The following RBPMS variants were observed in gnomAD, a reference collection of about 807,000 sequenced individuals.
RBPMS encodes the protein RNA-binding protein with multiple splicing.
RBPMS carries 7 observed loss-of-function variants against 26.8 expected under a neutral mutation model. The observed-to-expected ratio is 0.26, with a 90% CI of 0.15 to 0.49. The LOEUF (loss-of-function observed/expected upper bound fraction) is 0.49, where lower values mean the gene tolerates loss of function less well. Among genes scored for constraint, RBPMS ranks in the 20% least tolerant of loss-of-function variants. The pLI is 0.98. For synonymous variants in RBPMS, 96 were observed against 93.3 expected, an observed-to-expected ratio of 1.03 and a Z score of -0.17; for missense variants, 186 against 250.0, an observed-to-expected ratio of 0.74 and a Z score of 1.73.
chr8:30,500,890 A>G (rs1245656820), intron 4 of RBPMS, among the ~76,000 whole-genome samples: 1 of 152,036 alleles, frequency 6.6e-6, no homozygotes, highest in African/African-American at 2.4e-5. Context: ...GGCTGCTCTA[A>G]TGGTTTCATA....
intron 1 of RBPMS, chr8:30,444,913 A>G (rs577233188): frequency 1.3e-5 from 2 of 152,346 alleles, no homozygotes; most frequent in East Asian, 3.9e-4. Flanking sequence ...TGCATCTTAA[A>G]TCTTTTAATC....
At chr8:30,479,785 G>C (rs924314958) in intron 4 of RBPMS, among the ~76,000 whole-genome samples, 37 of 148,176 alleles carry the variant, frequency 2.5e-4, no homozygotes, top group African/African-American at 9.0e-4. Context: ...TTTATTTCAT[G>C]AGGCTTTCCT....
intron 5 of RBPMS, among the ~76,000 whole-genome samples, chr8:30,527,242 A>G (rs1823692391): frequency 6.6e-6 from 1 of 152,196 alleles, no homozygotes; most frequent in African/African-American, 2.4e-5. Flanking sequence ...TTGTAGCAGG[A>G]TCAGAGGAAT....
chr8:30,533,871 C>T (rs1051256101), intron 5 of RBPMS, among the ~76,000 whole-genome samples: 6 of 152,134 alleles, frequency 3.9e-5, no homozygotes, highest in South Asian at 2.1e-4. Flanking sequence ...TGGTGGCTCA[C>T]GCCTATAATC....
At chr8:30,443,762 G>A (rs1339738717) in intron 1 of RBPMS, among the ~76,000 whole-genome samples, 3 of 150,422 alleles carry the variant, frequency 2.0e-5, no homozygotes, top group Admixed American at 6.6e-5. Flanking sequence ...CACGTCCAGC[G>A]AATTTTTGTA....
intron 6 of RBPMS, among the ~76,000 whole-genome samples, chr8:30,554,005 T>C (rs1030711574): frequency 1.3e-5 from 2 of 152,160 alleles, no homozygotes; most frequent in African/African-American, 4.8e-5. Flanking sequence ...CTCTATCTCT[T>C]GACCTCATGA....
intron 5 of RBPMS, among the ~76,000 whole-genome samples, chr8:30,508,494 G>A (rs543138946): frequency 6.6e-5 from 10 of 152,224 alleles, no homozygotes; most frequent in South Asian, 4.1e-4. Flanking sequence ...GAGTCAGTAC[G>A]CAGTGACTGT....
chr8:30,436,294 T>C (rs1043792969), intron 1 of RBPMS, among the ~76,000 whole-genome samples: 19 of 152,200 alleles, frequency 1.2e-4, no homozygotes, highest in African/African-American at 4.3e-4. Context: ...ACAGTTCCAA[T>C]GGTTGCACAC....
intron 1 of RBPMS, among the ~76,000 whole-genome samples, chr8:30,457,121 C>T (rs1815309236): frequency 6.6e-6 from 1 of 152,216 alleles, no homozygotes; most frequent in Non-Finnish European, 1.5e-5. Flanking sequence ...CACTGACAGG[C>T]TGGGTCATGT....
chr8:30,520,255 T>A (rs1160399989), intron 5 of RBPMS, among the ~76,000 whole-genome samples: 1 of 152,240 alleles, frequency 6.6e-6, no homozygotes, highest in African/African-American at 2.4e-5. Flanking sequence ...AAATGCTTAA[T>A]TCTTTTCCTT....
chr8:30,410,570 G>A (rs1263150232), intron 1 of RBPMS, among the ~76,000 whole-genome samples: 4 of 151,824 alleles, frequency 2.6e-5, no homozygotes, highest in Admixed American at 1.3e-4. Context: ...GTGTGTATGT[G>A]TGTGTGTGTG....
intron 5 of RBPMS, among the ~76,000 whole-genome samples, chr8:30,533,164 C>G (rs963746290): frequency 1.3e-5 from 2 of 152,256 alleles, no homozygotes; most frequent in South Asian, 2.1e-4. Flanking sequence ...GGAGACTGCC[C>G]AGTTATTCAT....
At chr8:30,443,417 A>G (rs577031940) in intron 1 of RBPMS, among the ~76,000 whole-genome samples, 1 of 152,292 alleles carries the variant, frequency 6.6e-6, no homozygotes, top group South Asian at 2.1e-4. Context: ...GTTCAAATCA[A>G]GCTCTAACAC....
chr8:30,510,236 C>T (rs572361393), intron 5 of RBPMS, among the ~76,000 whole-genome samples: 28 of 152,130 alleles, frequency 1.8e-4, no homozygotes, highest in Non-Finnish European at 3.5e-4. Context: ...TCTGATGTCT[C>T]GAGTAAACCC....
intron 5 of RBPMS, among the ~76,000 whole-genome samples, chr8:30,543,616 A>G (rs1825614931): frequency 6.6e-6 from 1 of 152,116 alleles, no homozygotes. Flanking sequence ...ATTCCTTGCT[A>G]TTGACTGATG....
At chr8:30,389,601 C>T (rs1413763651) in intron 1 of RBPMS, among the ~76,000 whole-genome samples, 3 of 151,960 alleles carry the variant, frequency 2.0e-5, no homozygotes, top group Non-Finnish European at 4.4e-5. Flanking sequence ...TAGAAATTTA[C>T]CCTAAGAAAA....
intron 1 of RBPMS, among the ~76,000 whole-genome samples, chr8:30,432,279 T>C (rs570756673): frequency 5.9e-5 from 9 of 152,376 alleles, no homozygotes; most frequent in African/African-American, 2.2e-4. Context: ...TTCTATCCCA[T>C]TGTCTGATGA....
At chr8:30,420,898 G>A (rs1054498680) in intron 1 of RBPMS, among the ~76,000 whole-genome samples, 8 of 152,146 alleles carry the variant, frequency 5.3e-5, no homozygotes, top group African/African-American at 1.4e-4. Context: ...GTCTATCTAG[G>A]AACAGTAGTT....
Position 30,556,166 on chromosome 8 carries a change from G to A in RBPMS, c.529-2721G>A, listed in dbSNP as rs1296658092. On this transcript the variant is annotated intron_variant, in intron 6 of 8. Transcript: ENST00000397323. ...AGACACAAGAGCAATGAATTCAGGG[G>A]TCTGTGTGTCCGCCACCCGCCACCA... 21 of 985,434 alleles carry A rather than the reference G, an allele frequency of 2.1e-5. No homozygotes were observed. The South Asian group carries it at 8.0e-4, about 37-fold the overall frequency. 61.0% of individuals were successfully genotyped at this position (985,434 alleles called of 1,614,324 possible). A position where few individuals can be genotyped will look rare whatever the true frequency, so the allele number is the denominator to read the frequency against.
Sources: allele counts gnomAD v4.1 joint callset (sites outside exome capture counted in the v4.1 genomes callset), GRCh38; gene constraint gnomAD v4.1.1; transcripts MANE v1.5; gene names NCBI Gene and HGNC (gene_info 2026-07-23, HGNC 2026-07-21).